Variants in KCNH8 observed in about 807,000 individuals in gnomAD.
KCNH8 encodes the protein voltage-gated delayed rectifier potassium channel KCNH8.
A neutral mutation model predicts 103.6 loss-of-function variants in KCNH8; 70 were observed. The observed-to-expected ratio is 0.68, with a 90% CI of 0.56 to 0.82. The LOEUF (loss-of-function observed/expected upper bound fraction) is 0.82. Among genes scored for constraint, KCNH8 ranks in the 40% least tolerant of loss-of-function variants. The pLI is 0.00. For synonymous variants in KCNH8, 498 were observed against 489.4 expected (o/e 1.02, Z -0.23); for missense variants, 1,217 against 1,329.9 (o/e 0.92, Z 1.32).
At chr3:19,526,444 G>A (rs1008352166) in intron 15 of KCNH8, among the ~76,000 whole-genome samples, 2 of 152,068 alleles carry the variant, frequency 1.3e-5, no homozygotes, top group Middle Eastern at 3.4e-3. Context: ...GATACTATAT[G>A]TCATTTTATG....
chr3:19,474,519 C>G (rs917213056), intron 11 of KCNH8, among the ~76,000 whole-genome samples: 1 of 152,082 alleles, frequency 6.6e-6, no homozygotes, highest in Non-Finnish European at 1.5e-5. Flanking sequence ...ACTGAAGTAC[C>G]TCGAAATTAT....
intron 1 of KCNH8, among the ~76,000 whole-genome samples, chr3:19,167,134 T>C (rs975402419): frequency 1.2e-4 from 18 of 152,222 alleles, no homozygotes; most frequent in Non-Finnish European, 2.4e-4. Flanking sequence ...ATTCTACAGA[T>C]GAGGAAATTC....
intron 2 of KCNH8, among the ~76,000 whole-genome samples, chr3:19,260,734 C>T (rs2064423032): frequency 6.7e-6 from 1 of 148,174 alleles, no homozygotes; most frequent in South Asian, 2.1e-4. Context: ...TGTTTTGTAT[C>T]CTTTGAACTG....
At chr3:19,272,811 T>C (rs2064607778) in intron 2 of KCNH8, among the ~76,000 whole-genome samples, 1 of 152,172 alleles carries the variant, frequency 6.6e-6, no homozygotes, top group Admixed American at 6.5e-5. Context: ...TTTTTTCCTA[T>C]AGCATTTAAG....
intron 11 of KCNH8, among the ~76,000 whole-genome samples, chr3:19,478,892 G>A (rs530263971): frequency 6.6e-6 from 1 of 152,214 alleles, no homozygotes; most frequent in East Asian, 1.9e-4. Flanking sequence ...CAAAACAGAA[G>A]CAGCCTAGGT....
intron 8 of KCNH8, among the ~76,000 whole-genome samples, chr3:19,442,387 C>CA (rs934148126): frequency 1.1e-4 from 16 of 152,164 alleles, no homozygotes; most frequent in African/African-American, 2.9e-4. Flanking sequence ...TTTGACATTT[C>CA]AAAAAATCCA....
intron 15 of KCNH8, 45 bp downstream of exon 15, chr3:19,518,119 T>C (rs1156987463): frequency 2.7e-6 from 4 of 1,455,442 alleles, no homozygotes; most frequent in Admixed American, 1.7e-5. Context: ...TAAGAGGAGA[T>C]ATAAATCCTA....
Position 19,521,240 on chromosome 3 carries a change from G to A in KCNH8, c.2619+3166G>A, listed in dbSNP as rs1317708130. Among the ~76,000 whole-genome samples the A allele has an allele frequency of 3.3e-5, 5 of 152,126 alleles. No homozygotes were observed. In the East Asian group the frequency reaches 9.7e-4, roughly 30 times the overall value. ...AAGGGAGACTGTGTGCTCTGGCACA[G>A]CAGGCAGAAGGCATAAAACACACTA... is the stretch of plus-strand genomic sequence containing the variant. On this transcript the variant is annotated intron_variant, in intron 15 of 15. Transcript: ENST00000328405.
chr3:19,521,038 G>A (rs2068962724), intron 15 of KCNH8, among the ~76,000 whole-genome samples: 1 of 152,010 alleles, frequency 6.6e-6, no homozygotes, highest in Non-Finnish European at 1.5e-5. Flanking sequence ...TTACAGCATA[G>A]TATGAAATAG....
chr3:19,198,680 A>T (rs2063626351), intron 1 of KCNH8, among the ~76,000 whole-genome samples: 1 of 151,916 alleles, frequency 6.6e-6, no homozygotes, highest in African/African-American at 2.4e-5. Context: ...GAACAAAAAA[A>T]TTTTCCAAAC....
intron 1 of KCNH8, among the ~76,000 whole-genome samples, chr3:19,176,009 A>T (rs1421834640): frequency 6.6e-6 from 1 of 152,202 alleles, no homozygotes; most frequent in Non-Finnish European, 1.5e-5. Flanking sequence ...CTTGTTAGAA[A>T]TAATGCATAC....
chr3:19,398,420 A>G (rs984675216), intron 7 of KCNH8, among the ~76,000 whole-genome samples: 2 of 151,992 alleles, frequency 1.3e-5, no homozygotes, highest in Non-Finnish European at 1.5e-5. Flanking sequence ...GGCATTTGTG[A>G]CAGCAGGGTT....
At chr3:19,222,793 T>A (rs2063890190) in intron 1 of KCNH8, among the ~76,000 whole-genome samples, 1 of 152,188 alleles carries the variant, frequency 6.6e-6, no homozygotes, top group South Asian at 2.1e-4. Context: ...TTCAGGATAT[T>A]TTTTAGGATG....
At chr3:19,514,303 G>C (rs939314631) in intron 13 of KCNH8, among the ~76,000 whole-genome samples, 8 of 151,808 alleles carry the variant, frequency 5.3e-5, no homozygotes, top group African/African-American at 1.9e-4. Context: ...AGATAAAATA[G>C]GTTTAGCAAA....
At chr3:19,473,293 C>T (rs1328513680) in intron 11 of KCNH8, among the ~76,000 whole-genome samples, 2 of 152,156 alleles carry the variant, frequency 1.3e-5, no homozygotes, top group African/African-American at 4.8e-5. Context: ...TATTGCTTGT[C>T]ATATCTCATC....
intron 1 of KCNH8, among the ~76,000 whole-genome samples, chr3:19,246,263 T>C (rs2064203161): frequency 7.0e-6 from 1 of 143,532 alleles, no homozygotes; most frequent in South Asian, 2.2e-4. Flanking sequence ...AGAAGTTTTT[T>C]TGTTGTTGTT....
chr3:19,428,600 T>C (rs2067063886), intron 7 of KCNH8, among the ~76,000 whole-genome samples: 1 of 152,252 alleles, frequency 6.6e-6, no homozygotes, highest in Admixed American at 6.5e-5. Context: ...TGCATTCTGC[T>C]AAGCGCTTTA....
intron 11 of KCNH8, among the ~76,000 whole-genome samples, chr3:19,503,585 A>T (rs1162443908): frequency 6.6e-6 from 1 of 152,182 alleles, no homozygotes; most frequent in Non-Finnish European, 1.5e-5. Context: ...ACACCATGGA[A>T]TACTATGCAG....
chr3:19,432,033 A>G (rs1236651679), intron 7 of KCNH8, among the ~76,000 whole-genome samples: 4 of 141,020 alleles, frequency 2.8e-5, no homozygotes, highest in Non-Finnish European at 6.2e-5. Flanking sequence ...TTTAACTGCT[A>G]GTTTTGGGAT....
Sources: allele counts gnomAD v4.1 joint callset (sites outside exome capture counted in the v4.1 genomes callset), GRCh38; gene constraint gnomAD v4.1.1; transcripts MANE v1.5; gene names NCBI Gene and HGNC (gene_info 2026-07-23, HGNC 2026-07-21).